The following SKIC3 variants were observed in gnomAD, a reference collection of about 807,000 sequenced individuals.
The protein encoded by SKIC3 is superkiller complex protein 3.
chr5:95,480,060 C>T, the SKIC3 span, among the ~76,000 whole-genome samples: 1 of 151,840 alleles, frequency 6.6e-6, no homozygotes, highest in African/African-American at 2.4e-5. Flanking sequence ...AAAAATAAAC[C>T]TTAACTCCTG....
At chr5:95,524,361 A>G in the SKIC3 span, 1 of 1,507,644 alleles carries the variant, frequency 6.6e-7, no homozygotes, top group Non-Finnish European at 9.0e-7. Flanking sequence ...ATAAAGCACA[A>G]AAAACAGTTC....
chr5:95,492,685 A>AAAAAAAAAAAAAAAAAAAAAAT, the SKIC3 span, among the ~76,000 whole-genome samples: 1 of 141,650 alleles, frequency 7.1e-6, no homozygotes, highest in Non-Finnish European at 1.5e-5. Flanking sequence ...AAAAAAAAAA[A>AAAAAAAAAAAAAAAAAAAAAAT]AAAACAAGAC....
chr5:95,477,328 GT>G, the SKIC3 span, among the ~76,000 whole-genome samples: 1 of 151,970 alleles, frequency 6.6e-6, no homozygotes, highest in Admixed American at 6.6e-5. Context: ...TCTCTTAAAT[GT>G]GCTCTACAGT....
chr5:95,528,845 G>A, the SKIC3 span: 2 of 682,628 alleles, frequency 2.9e-6, no homozygotes, highest in South Asian at 1.8e-5. Flanking sequence ...ACACATGCAT[G>A]CAGACTTTTA....
At chr5:95,551,994 C>T in the SKIC3 span, among the ~76,000 whole-genome samples, 1 of 152,112 alleles carries the variant, frequency 6.6e-6, no homozygotes, top group Non-Finnish European at 1.5e-5. Context: ...CATTCAAATC[C>T]CCAACCGTCC....
chr5:95,498,664 C>G, the SKIC3 span: 3 of 1,405,910 alleles, frequency 2.1e-6, no homozygotes, highest in Admixed American at 6.0e-5. Context: ...CTCGCTCTGT[C>G]GCCCAGGCTG....
At chr5:95,482,504 A>T in the SKIC3 span, 2 of 1,613,922 alleles carry the variant, frequency 1.2e-6, no homozygotes, top group African/African-American at 2.7e-5. Flanking sequence ...TGAGTTGGAC[A>T]TGACTGTTTT....
the SKIC3 span, chr5:95,494,963 C>A: frequency 1.2e-6 from 2 of 1,613,704 alleles, no homozygotes; most frequent in Non-Finnish European, 1.7e-6. Flanking sequence ...GACAAACTAA[C>A]CTTTCCATGA....
At chr5:95,536,204 G>A in the SKIC3 span, among the ~76,000 whole-genome samples, 1 of 152,148 alleles carries the variant, frequency 6.6e-6, no homozygotes, top group Non-Finnish European at 1.5e-5. Context: ...AGCATACACA[G>A]AGACAAATTC....
the SKIC3 span, chr5:95,540,796 C>T: frequency 6.2e-6 from 10 of 1,613,892 alleles, no homozygotes; most frequent in South Asian, 1.1e-5. Flanking sequence ...TTGTTCCTGC[C>T]GTGTTTTTAT....
the SKIC3 span, chr5:95,550,842 AT>A: frequency 6.6e-6 from 1 of 152,172 alleles, no homozygotes; most frequent in South Asian, 2.1e-4. Flanking sequence ...AAACTTCTGA[AT>A]TGGTCTAAAC....
chr5:95,475,930 G>A, the SKIC3 span, among the ~76,000 whole-genome samples: 6 of 152,220 alleles, frequency 3.9e-5, no homozygotes, highest in Admixed American at 2.0e-4. Flanking sequence ...AGTGGTGATG[G>A]CGGGGACAGG....
chr5:95,522,168 A>G, the SKIC3 span: 6 of 1,613,762 alleles, frequency 3.7e-6, 1 homozygote, highest in Non-Finnish European at 3.4e-6. Context: ...AACACACTGT[A>G]TATGGATTCT....
the SKIC3 span, among the ~76,000 whole-genome samples, chr5:95,535,883 A>G: frequency 3.2e-4 from 48 of 152,344 alleles, no homozygotes; most frequent in Non-Finnish European, 5.6e-4. Flanking sequence ...ACAATAATTG[A>G]CAATCACTAC....
At chr5:95,493,687 G>C in the SKIC3 span, among the ~76,000 whole-genome samples, 1 of 151,982 alleles carries the variant, frequency 6.6e-6, no homozygotes, top group African/African-American at 2.4e-5. Flanking sequence ...TTATTGTGAA[G>C]ATAACATTGA....
the SKIC3 span, chr5:95,524,548 G>T: frequency 6.2e-7 from 1 of 1,613,738 alleles, no homozygotes; most frequent in South Asian, 1.1e-5. Context: ...AGTTGGTAAT[G>T]ATATTCTGCA....
chr5:95,493,166 A>G, the SKIC3 span, among the ~76,000 whole-genome samples: 1 of 152,196 alleles, frequency 6.6e-6, no homozygotes, highest in South Asian at 2.1e-4. Flanking sequence ...TCATCTAAAG[A>G]TCTACAAGGA....
chr5:95,511,267 G>A, the SKIC3 span, among the ~76,000 whole-genome samples: 17 of 152,214 alleles, frequency 1.1e-4, 1 homozygote, highest in African/African-American at 3.4e-4. Flanking sequence ...AAAATTAGCC[G>A]GGCGTGGTGG....
At chr5:95,496,356 T>C in the SKIC3 span, among the ~76,000 whole-genome samples, 1 of 152,034 alleles carries the variant, frequency 6.6e-6, no homozygotes, top group African/African-American at 2.4e-5. Context: ...CTGAAAGATG[T>C]ATGGGCTAGT....
Sources: gnomAD v4.1 joint callset for allele counts (sites outside exome capture counted in the v4.1 genomes callset) on GRCh38, gnomAD v4.1.1 for gene constraint, MANE v1.5 for transcripts, NCBI Gene and HGNC (gene_info 2026-07-23, HGNC 2026-07-21) for gene names.